PDZD8: variants seen among roughly 807,000 people sequenced by gnomAD.
PDZD8 encodes PDZ domain containing 8.
In PDZD8, 14 loss-of-function variants were observed where a neutral mutation model predicts 85.8. The observed-to-expected ratio is 0.16, with a 90% confidence interval of 0.11 to 0.26. The LOEUF (loss-of-function observed/expected upper bound fraction) is 0.26. PDZD8 is among the 10% of genes least tolerant of loss of function. PDZD8 has a pLI of 1.00. For missense variants in PDZD8, 1,197 were observed against 1,424.3 expected (o/e 0.84, Z 2.57); for synonymous variants, 592 against 568.6 (o/e 1.04, Z -0.59).
At chr10:117,338,473 C>A (rs1844554229) in intron 2 of PDZD8, among the ~76,000 whole-genome samples, 1 of 152,120 alleles carries the variant, frequency 6.6e-6, no homozygotes, top group South Asian at 2.1e-4. Flanking sequence ...TTCCCTTCAG[C>A]CTAATTATGT....
intron 3 of PDZD8, among the ~76,000 whole-genome samples, chr10:117,305,187 C>A (rs1843913547): frequency 6.6e-6 from 1 of 152,002 alleles, no homozygotes; most frequent in Non-Finnish European, 1.5e-5. Context: ...CTGAGGTGGG[C>A]AGATCACCTG....
chr10:117,341,140 T>C (rs1184272877), intron 1 of PDZD8, 38 bp from the exon 2 acceptor site: 2 of 1,598,240 alleles, frequency 1.3e-6, no homozygotes, highest in East Asian at 2.2e-5. Flanking sequence ...GTCTGAATAA[T>C]AAACACCACA....
intron 3 of PDZD8, among the ~76,000 whole-genome samples, chr10:117,302,748 T>C (rs1459287753): frequency 1.3e-5 from 2 of 152,190 alleles, no homozygotes; most frequent in Non-Finnish European, 2.9e-5. Context: ...AGAGGGCCAG[T>C]CTTTCCTGTG....
intron 3 of PDZD8, among the ~76,000 whole-genome samples, chr10:117,303,285 A>C (rs1436921016): frequency 6.6e-6 from 1 of 152,200 alleles, no homozygotes; most frequent in East Asian, 1.9e-4. Context: ...TTTAGCAAAG[A>C]GACTGGCAGC....
rs779882112 is a variant in PDZD8 at position 117,283,768 on chromosome 10, T to G, written c.2965A>C (p.Ser989Arg). The G allele has an allele frequency of 1.9e-6, 3 of 1,614,242 alleles. No homozygotes were observed. The highest frequency in any genetic ancestry group is 2.5e-6 in the Non-Finnish European group (3 of 1,180,038). The change falls in exon 5 of 5, where the codon AGT (serine) becomes CGT (arginine). Residue 989 changes from serine (S) to arginine (R), a missense_variant. Transcript: ENST00000334464. ...GTGCTGTTTCCCCGTTTAGAAGGAC[T>G]GTTTGGACCACAGACCTCCGTGTCA... is the stretch of plus-strand genomic sequence containing the variant. Reference protein sequence around the residue: ...GSDTEVCGPNSPSKRGNSTGI... With the variant: ...GSDTEVCGPNRPSKRGNSTGI...
chr10:117,362,423 T>C (rs1028067972), intron 1 of PDZD8, among the ~76,000 whole-genome samples: 2 of 152,170 alleles, frequency 1.3e-5, no homozygotes, highest in African/African-American at 2.4e-5. Flanking sequence ...AAGGATATAC[T>C]AAACCAACAA....
Position 117,374,448 on chromosome 10 carries a change from T to TTC in PDZD8, c.778_779dup (p.Gly261LysfsTer69). 1 of 1,614,180 alleles carries TTC rather than the reference T, an allele frequency of 6.2e-7. No homozygotes were observed. The highest frequency in any genetic ancestry group is 8.5e-7 in the Non-Finnish European group (1 of 1,180,024). ...AGGTGAGCTGGGGCATGGGCCGCCC[T>TTC]TCAAACTGGGAGCGCACCTCGAAGT... On this transcript the variant is annotated frameshift_variant, in exon 1 of 5. Transcript: ENST00000334464. LOFTEE classifies it high-confidence loss of function. The surrounding 1 kb of genome is among the most constrained non-coding windows in gnomAD (Gnocchi z 7.8).
intron 1 of PDZD8, among the ~76,000 whole-genome samples, chr10:117,350,316 G>A (rs1452692008): frequency 6.7e-6 from 1 of 149,438 alleles, no homozygotes; most frequent in African/African-American, 2.5e-5. Context: ...CCAGGCTGGA[G>A]TGCAATGGCA....
Position 117,375,340 on chromosome 10 carries a change from A to T in PDZD8, c.-113T>A. 1 of 1,021,180 alleles carries T rather than the reference A, an allele frequency of 9.8e-7. No individual in the cohort carries two copies. Among genetic ancestry groups the T allele is most frequent in the Non-Finnish European group, 1.3e-6 (1 of 753,396 alleles). The allele number at this position is 1,021,180 out of a possible 1,614,324, so 63.3% of individuals were successfully genotyped here. A position where few individuals can be genotyped will look rare whatever the true frequency, so the allele number is the denominator to read the frequency against. ...GACATCGGGCGGCTGGGTCGGGGCGAGCGGCTCCGTGGGCCTCGTCCAGGG... is the reference window on the plus strand; with the variant it reads ...GACATCGGGCGGCTGGGTCGGGGCGTGCGGCTCCGTGGGCCTCGTCCAGGG... On this transcript the variant is annotated 5_prime_UTR_variant, in exon 1 of 5. Coordinates refer to ENST00000334464, the MANE Select transcript of PDZD8 (RefSeq NM_173791.5).
intron 3 of PDZD8, among the ~76,000 whole-genome samples, chr10:117,292,365 C>T (rs566759656): frequency 1.8e-4 from 28 of 152,224 alleles, no homozygotes; most frequent in African/African-American, 6.5e-4. Flanking sequence ...AAGTGCTGTA[C>T]ACAATTAAGG....
intron 1 of PDZD8, among the ~76,000 whole-genome samples, chr10:117,348,557 C>G (rs950667448): frequency 3.3e-5 from 5 of 152,260 alleles, no homozygotes; most frequent in African/African-American, 4.8e-5. Flanking sequence ...TTTGGTGAGG[C>G]CTTTCTCCTT....
At chr10:117,317,575 C>A (rs561275884) in intron 3 of PDZD8, among the ~76,000 whole-genome samples, 1 of 152,184 alleles carries the variant, frequency 6.6e-6, no homozygotes, top group East Asian at 1.9e-4. Context: ...CATATCTTTG[C>A]AAATATAATA....
intron 4 of PDZD8, 114 bp downstream of exon 4, chr10:117,290,071 TA>T: frequency 4.6e-6 from 4 of 861,298 alleles, no homozygotes; most frequent in Non-Finnish European, 3.4e-6. Context: ...ATTTCCATTA[TA>T]AAAGTGACAT....
At position 117,290,118 on chromosome 10, in the gene PDZD8, GA is replaced by G. The variant is rs906883255; in HGVS notation, c.1261+67del. 2.9e-6 allele frequency: 4 copies of G among 1,365,974 alleles called. No individual in the cohort carries two copies. The African/African-American group carries it at 5.8e-5, about 20-fold the overall frequency. 84.6% of individuals were successfully genotyped at this position (1,365,974 alleles called of 1,614,324 possible). ...TAGAAATAAGGAAAAAGGAAGAAAG[GA>G]AAAACCTCACACCTACTTTGTAGTT... On this transcript the variant is annotated intron_variant, in intron 4 of 4. Coordinates refer to ENST00000334464, the MANE Select transcript of PDZD8 (RefSeq NM_173791.5).
At chr10:117,345,596 C>A (rs1844691567) in intron 1 of PDZD8, among the ~76,000 whole-genome samples, 1 of 151,814 alleles carries the variant, frequency 6.6e-6, no homozygotes, top group Non-Finnish European at 1.5e-5. Context: ...AAGGTTGCTA[C>A]AATATATTAT....
intron 1 of PDZD8, among the ~76,000 whole-genome samples, chr10:117,353,225 G>A (rs1262326204): frequency 6.6e-6 from 1 of 152,108 alleles, no homozygotes; most frequent in Non-Finnish European, 1.5e-5. Context: ...AGGTTATGAT[G>A]CTGAGTAAAA....
At chr10:117,316,761 C>A (rs1844137571) in intron 3 of PDZD8, among the ~76,000 whole-genome samples, 1 of 152,154 alleles carries the variant, frequency 6.6e-6, no homozygotes, top group Non-Finnish European at 1.5e-5. Flanking sequence ...AAAAGCCATT[C>A]ATAACTCCGT....
chr10:117,363,720 T>C (rs1845036420), intron 1 of PDZD8, among the ~76,000 whole-genome samples: 1 of 152,156 alleles, frequency 6.6e-6, no homozygotes, highest in African/African-American at 2.4e-5. Context: ...TGCTGAGAAG[T>C]GAAAAATTTT....
chr10:117,342,530 T>C (rs185437272), intron 1 of PDZD8, among the ~76,000 whole-genome samples: 1 of 152,328 alleles, frequency 6.6e-6, no homozygotes, highest in Admixed American at 6.5e-5. Flanking sequence ...CAAGCTGGAG[T>C]GCAGTGGCAC....
Sources: gnomAD v4.1 joint callset for allele counts (sites outside exome capture counted in the v4.1 genomes callset) on GRCh38, gnomAD v4.1.1 for gene constraint, Gnocchi (gnomAD v3.1) non-coding constraint, MANE v1.5 for transcripts, NCBI Gene and HGNC (gene_info 2026-07-23, HGNC 2026-07-21) for gene names.